The following CFAP20DC variants were observed in gnomAD, a reference collection of about 807,000 sequenced individuals.
CFAP20DC encodes the protein CFAP20 domain containing.
CFAP20DC carries 84 observed loss-of-function variants against 101.7 expected under a neutral mutation model. The observed-to-expected ratio is 0.83, with a 90% confidence interval of 0.69 to 0.99. CFAP20DC has a LOEUF of 0.99. Ranked by LOEUF, CFAP20DC falls within the 50% of genes least tolerant of loss-of-function variation. The pLI, the probability that CFAP20DC is intolerant of heterozygous loss-of-function variation, is 0.00. For missense variants in CFAP20DC, 1,007 were observed against 970.3 expected (o/e 1.04, Z -0.50); for synonymous variants, 359 against 351.2 (o/e 1.02, Z -0.25).
At chr3:58,924,428 G>C (rs1433237309) in intron 5 of CFAP20DC, among the ~76,000 whole-genome samples, 1 of 152,030 alleles carries the variant, frequency 6.6e-6, no homozygotes, top group South Asian at 2.1e-4. Flanking sequence ...TTATGGCTGT[G>C]CAGTATTTCA....
intron 3 of CFAP20DC, among the ~76,000 whole-genome samples, chr3:58,720,008 G>A (rs1413687700): frequency 6.6e-6 from 1 of 152,212 alleles, no homozygotes; most frequent in Non-Finnish European, 1.5e-5. Flanking sequence ...TCCTTGGAGG[G>A]GCTTTTTCTG....
intron 3 of CFAP20DC, among the ~76,000 whole-genome samples, chr3:58,719,107 G>T (rs540364008): frequency 6.6e-6 from 1 of 152,212 alleles, no homozygotes; most frequent in South Asian, 2.1e-4. Flanking sequence ...AGCCAGGTAT[G>T]GTGGCACACG....
chr3:58,933,164 A>G (rs966763133), intron 5 of CFAP20DC, among the ~76,000 whole-genome samples: 1 of 152,096 alleles, frequency 6.6e-6, no homozygotes, highest in African/African-American at 2.4e-5. Flanking sequence ...AAAGATCAAA[A>G]GAGACAAAGA....
At chr3:58,809,452 A>C (rs2074413210) in intron 14 of CFAP20DC, among the ~76,000 whole-genome samples, 1 of 152,188 alleles carries the variant, frequency 6.6e-6, no homozygotes, top group Admixed American at 6.5e-5. Context: ...CTGAATGACT[A>C]CTGGGTACAT....
At chr3:58,806,262 A>G in intron 15 of CFAP20DC, 133 bp downstream of exon 15, 1 of 656,434 alleles carries the variant, frequency 1.5e-6, no homozygotes, top group Non-Finnish European at 2.7e-6. Flanking sequence ...CAAGTAGATG[A>G]ACTAGGACTT....
At chr3:58,725,854 G>C in intron 3 of CFAP20DC, 1 of 198,340 alleles carries the variant, frequency 5.0e-6, no homozygotes, top group South Asian at 1.1e-4. Flanking sequence ...GATCCATCTG[G>C]TTTTTATTTT....
At chr3:58,759,300 A>AT (rs2069291368) in intron 15 of CFAP20DC, among the ~76,000 whole-genome samples, 1 of 152,154 alleles carries the variant, frequency 6.6e-6, no homozygotes, top group African/African-American at 2.4e-5. Context: ...GATGGTGAGC[A>AT]TTTTTTCATA....
At chr3:58,768,888 C>G (rs1435263698) in intron 15 of CFAP20DC, among the ~76,000 whole-genome samples, 1 of 152,202 alleles carries the variant, frequency 6.6e-6, no homozygotes, top group Non-Finnish European at 1.5e-5. Flanking sequence ...AGTTCTAAGT[C>G]TACCACAAGT....
intron 16 of CFAP20DC, among the ~76,000 whole-genome samples, chr3:58,745,086 G>C (rs921052467): frequency 6.6e-6 from 1 of 152,066 alleles, no homozygotes; most frequent in Non-Finnish European, 1.5e-5. Context: ...GGAAGGCTGC[G>C]TTTCCTTTAT....
At chr3:59,038,787 A>T (rs1043122087) in intron 4 of CFAP20DC, among the ~76,000 whole-genome samples, 5 of 152,110 alleles carry the variant, frequency 3.3e-5, no homozygotes, top group African/African-American at 1.2e-4. Flanking sequence ...ATCATCTTTT[A>T]CTTAGTAAAA....
chr3:59,036,564 A>T (rs1203073225), intron 4 of CFAP20DC, among the ~76,000 whole-genome samples: 8 of 152,198 alleles, frequency 5.3e-5, no homozygotes. Context: ...AGAGAATAAA[A>T]TATCTAGGAA....
At chr3:58,950,687 C>G (rs1327281843) in intron 4 of CFAP20DC, among the ~76,000 whole-genome samples, 1 of 152,086 alleles carries the variant, frequency 6.6e-6, no homozygotes, top group Non-Finnish European at 1.5e-5. Flanking sequence ...ACAAATGGTG[C>G]TGGGAAAACT....
intron 6 of CFAP20DC, among the ~76,000 whole-genome samples, chr3:58,896,568 T>C (rs2082683340): frequency 6.6e-6 from 1 of 152,256 alleles, no homozygotes; most frequent in Admixed American, 6.5e-5. Flanking sequence ...ATCCCAGAAA[T>C]TCTGCTACAT....
chr3:58,949,297 G>C (rs906165438), intron 4 of CFAP20DC, among the ~76,000 whole-genome samples: 3 of 151,828 alleles, frequency 2.0e-5, no homozygotes, highest in Non-Finnish European at 4.4e-5. Flanking sequence ...GTTCTGCTCT[G>C]ATCTTAGTTA....
chr3:58,981,110 C>T (rs2092522032), intron 4 of CFAP20DC, among the ~76,000 whole-genome samples: 1 of 152,112 alleles, frequency 6.6e-6, no homozygotes, highest in Non-Finnish European at 1.5e-5. Flanking sequence ...TTCACAATTG[C>T]TTCAAAGAGA....
In CFAP20DC at chr3:58,981,055, A is replaced by G. The variant is rs373262940; in HGVS notation, c.279-43293T>C. On this transcript the variant is annotated intron_variant, in intron 4 of 16. Transcript: ENST00000482387. ...GCAAAAATCACAAGCATCCTTATAC[A>G]CCAATAACAGACAAACAGAGAGCCA... 6.6e-5 allele frequency among the ~76,000 whole-genome samples: 10 copies of G among 152,276 alleles called. No homozygotes were observed. The East Asian group carries it at 1.9e-3, about 29-fold the overall frequency.
At chr3:58,842,177 A>G (rs1341594080) in intron 13 of CFAP20DC, among the ~76,000 whole-genome samples, 1 of 151,934 alleles carries the variant, frequency 6.6e-6, no homozygotes, top group Non-Finnish European at 1.5e-5. Flanking sequence ...ATGGCCGAAT[A>G]GGAACAGCTC....
chr3:58,958,464 C>T (rs926194456), intron 4 of CFAP20DC, among the ~76,000 whole-genome samples: 1 of 152,086 alleles, frequency 6.6e-6, no homozygotes, highest in African/African-American at 2.4e-5. Context: ...CACGTTTGGC[C>T]AACCTGAATG....
At chr3:58,992,412 A>AT in intron 4 of CFAP20DC, 1 of 220,484 alleles carries the variant, frequency 4.5e-6, no homozygotes, top group South Asian at 1.6e-4. Context: ...AGTGAGTGGC[A>AT]TATGGCCCTA....
Sources: allele counts gnomAD v4.1 joint callset (sites outside exome capture counted in the v4.1 genomes callset), GRCh38; gene constraint gnomAD v4.1.1; transcripts MANE v1.5; gene names NCBI Gene and HGNC (gene_info 2026-07-23, HGNC 2026-07-21).